The following RALYL variants were observed in gnomAD, a reference collection of about 807,000 sequenced individuals.
RALYL encodes RNA-binding Raly-like protein.
In RALYL, 29 loss-of-function variants were observed where a neutral mutation model predicts 35.1. That is an observed-to-expected ratio of 0.83 (90% CI 0.61 to 1.13). RALYL has a LOEUF of 1.13. RALYL is among the 50% of genes most tolerant of loss of function. The pLI, the probability that RALYL is intolerant of heterozygous loss-of-function variation, is 0.00. For synonymous variants in RALYL, 120 were observed against 127.6 expected (o/e 0.94, Z 0.40); for missense variants, 359 against 360.4 (o/e 1.00, Z 0.03).
At chr8:84,813,982 G>T (rs1312709966) in intron 4 of RALYL, among the ~76,000 whole-genome samples, 1 of 146,118 alleles carries the variant, frequency 6.8e-6, no homozygotes, top group Non-Finnish European at 1.5e-5. Flanking sequence ...TCCCACCTAT[G>T]AGTGAGAACA....
intron 1 of RALYL, among the ~76,000 whole-genome samples, chr8:84,432,325 TAGTC>T (rs1287023752): frequency 6.6e-6 from 1 of 151,966 alleles, no homozygotes; most frequent in East Asian, 1.9e-4. Context: ...GAGTCTAAAA[TAGTC>T]AGACTTACAG....
At chr8:84,886,993 T>C (rs1842999470) in intron 7 of RALYL, among the ~76,000 whole-genome samples, 1 of 152,220 alleles carries the variant, frequency 6.6e-6, no homozygotes, top group Non-Finnish European at 1.5e-5. Flanking sequence ...ACCCAGGTTG[T>C]CTGACCCCAG....
chr8:84,654,165 T>C (rs1172122522), intron 2 of RALYL, among the ~76,000 whole-genome samples: 1 of 146,744 alleles, frequency 6.8e-6, no homozygotes, highest in Non-Finnish European at 1.5e-5. Context: ...TATATATGTA[T>C]CCACAAAAAT....
At chr8:84,230,049 C>T (rs559336467) in intron 1 of RALYL, among the ~76,000 whole-genome samples, 2 of 152,072 alleles carry the variant, frequency 1.3e-5, no homozygotes, top group East Asian at 1.9e-4. Context: ...ACATAAATAA[C>T]AAATAAATGA....
intron 2 of RALYL, among the ~76,000 whole-genome samples, chr8:84,707,830 T>G (rs927243003): frequency 1.3e-5 from 2 of 152,146 alleles, no homozygotes; most frequent in African/African-American, 2.4e-5. Context: ...AAAAGTAGAA[T>G]GTAATACAAT....
intron 1 of RALYL, among the ~76,000 whole-genome samples, chr8:84,282,755 T>C (rs1480623408): frequency 4.0e-5 from 2 of 50,622 alleles, no homozygotes; most frequent in Non-Finnish European, 1.0e-4. Flanking sequence ...TGCGTGTGTG[T>C]GTGTGTGTGT....
chr8:84,340,617 C>T lies in RALYL; in HGVS notation c.-24+156193C>T, dbSNP rs190694688. On this transcript the variant is annotated intron_variant, in intron 1 of 8. Transcript: ENST00000521268. ...TGTCATCACATTTGGCAGGATTCCC[C>T]TCCTTTTTAAGGCTGAATAAATTCC... 6.6e-5 allele frequency among the ~76,000 whole-genome samples: 10 copies of T among 152,186 alleles called. No individual in the cohort carries two copies. The South Asian group carries it at 1.7e-3, about 25-fold the overall frequency.
chr8:84,464,700 C>T (rs1046864734), intron 1 of RALYL, among the ~76,000 whole-genome samples: 3 of 152,026 alleles, frequency 2.0e-5, no homozygotes, highest in Non-Finnish European at 2.9e-5. Context: ...GTTCTAGATC[C>T]CTAAGGAATC....
At chr8:84,499,667 G>A (rs1402249799) in intron 1 of RALYL, among the ~76,000 whole-genome samples, 7 of 151,912 alleles carry the variant, frequency 4.6e-5, no homozygotes, top group Non-Finnish European at 1.0e-4. Context: ...GGACTCCTGT[G>A]AATTGAGAGA....
intron 3 of RALYL, among the ~76,000 whole-genome samples, chr8:84,784,035 AG>A (rs1252565918): frequency 6.6e-6 from 1 of 152,128 alleles, no homozygotes. Flanking sequence ...TTTAAACAAT[AG>A]TACAATTGGC....
chr8:84,190,469 G>T (rs1439344504), intron 1 of RALYL, among the ~76,000 whole-genome samples: 1 of 152,204 alleles, frequency 6.6e-6, no homozygotes, highest in Non-Finnish European at 1.5e-5. Flanking sequence ...TGGAAACAGT[G>T]TGAATGCACA....
chr8:84,563,277 A>G (rs1427376706), intron 2 of RALYL, among the ~76,000 whole-genome samples: 2 of 151,876 alleles, frequency 1.3e-5, no homozygotes, highest in African/African-American at 4.8e-5. Context: ...TTCTCATGAA[A>G]CATAAGCTCA....
chr8:84,609,692 T>C (rs1817869039), intron 2 of RALYL, among the ~76,000 whole-genome samples: 1 of 152,182 alleles, frequency 6.6e-6, no homozygotes, highest in Non-Finnish European at 1.5e-5. Flanking sequence ...TACAGTTTCT[T>C]CTATTATTAG....
At chr8:84,723,622 C>T (rs997567099) in intron 2 of RALYL, among the ~76,000 whole-genome samples, 1 of 151,918 alleles carries the variant, frequency 6.6e-6, no homozygotes, top group African/African-American at 2.4e-5. Context: ...GTCTTTCCAT[C>T]TTTCTTCTAT....
chr8:84,416,774 G>A (rs186908624), intron 1 of RALYL, among the ~76,000 whole-genome samples: 5 of 152,206 alleles, frequency 3.3e-5, no homozygotes, highest in Non-Finnish European at 5.9e-5. Context: ...ACTCCTAAAT[G>A]CATTCTAGTT....
Position 84,579,612 on chromosome 8 carries a change from C to A in RALYL, c.256+50035C>A, listed in dbSNP as rs1443510453. ...CTTTACTGTGCATGTGTTTTTGACA[C>A]CAAGTCTTTTTTGCTTTCTTATTTT... On this transcript the variant is annotated intron_variant, in intron 2 of 8. Transcript: ENST00000521268. Among the ~76,000 whole-genome samples, 3 of 152,284 alleles carry A rather than the reference C, an allele frequency of 2.0e-5. No homozygotes were observed. In the East Asian group the frequency reaches 5.8e-4, roughly 29 times the overall value.
intron 4 of RALYL, among the ~76,000 whole-genome samples, chr8:84,806,713 A>G (rs1004047745): frequency 3.3e-5 from 5 of 152,200 alleles, no homozygotes; most frequent in African/African-American, 1.2e-4. Context: ...TTTAATTTAT[A>G]GCTAAATGTT....
intron 2 of RALYL, among the ~76,000 whole-genome samples, chr8:84,722,469 C>T (rs1184743944): frequency 2.0e-5 from 3 of 151,330 alleles, no homozygotes; most frequent in Non-Finnish European, 4.4e-5. Context: ...TTCTGGGTCA[C>T]AGACCATTTT....
intron 1 of RALYL, among the ~76,000 whole-genome samples, chr8:84,400,727 A>G (rs1049094210): frequency 6.6e-6 from 1 of 152,174 alleles, no homozygotes; most frequent in South Asian, 2.1e-4. Flanking sequence ...TTAAGGGCGA[A>G]AGAGATGTTT....
Sources: gnomAD v4.1 joint callset for allele counts (sites outside exome capture counted in the v4.1 genomes callset) on GRCh38, gnomAD v4.1.1 for gene constraint, MANE v1.5 for transcripts, NCBI Gene and HGNC (gene_info 2026-07-23, HGNC 2026-07-21) for gene names.